Variants in EPG5 observed in about 807,000 individuals in gnomAD.
EPG5 encodes ectopic P-granules 5 autophagy tethering factor, also known as ectopic P granules protein 5 homolog.
EPG5 carries 159 observed loss-of-function variants against 302.7 expected under a neutral mutation model. The ratio of observed to expected loss-of-function variants is 0.53; its 90% confidence interval spans 0.46 to 0.60. The LOEUF is 0.60. EPG5 is among the 20% of genes least tolerant of loss of function. EPG5 has a pLI of 0.00. For missense variants in EPG5, 2,896 were observed against 3,092.4 expected, an observed-to-expected ratio of 0.94 and a Z score of 1.51; for synonymous variants, 1,158 against 1,136.8, an observed-to-expected ratio of 1.02 and a Z score of -0.37.
chr18:45,849,413 T>G lies in EPG5; in HGVS notation c.*3054A>C, dbSNP rs1323996429. 1 of 152,238 alleles carries G rather than the reference T, an allele frequency of 6.6e-6. No individual in the cohort carries two copies. Among genetic ancestry groups the G allele is most frequent in the Non-Finnish European group, 1.5e-5 (1 of 68,080 alleles). 9.4% of individuals were successfully genotyped at this position (152,238 alleles called of 1,614,324 possible). A position where few individuals can be genotyped will look rare whatever the true frequency, so the allele number is the denominator to read the frequency against. On this transcript the variant is annotated 3_prime_UTR_variant, in exon 44 of 44. Coordinates refer to ENST00000282041, the MANE Select transcript of EPG5 (RefSeq NM_020964.3). ...GATCCCTGCAGAGTGAGAGGGGCAC[T>G]AGATGAACGTGAATGACCCTTCTGA...
At chr18:45,842,569 A>G in the EPG5 span, 1 of 206,270 alleles carries the variant, frequency 4.8e-6, no homozygotes, top group Non-Finnish European at 9.9e-6. Context: ...CAGGGCCTGG[A>G]GGCCCAGTCT....
intron 25 of EPG5, 78 bp from the exon 26 acceptor site, chr18:45,901,245 T>C (rs538283072): frequency 1.8e-5 from 22 of 1,256,840 alleles, no homozygotes; most frequent in East Asian, 2.3e-5. Context: ...TACAATTCAG[T>C]AGAATTCCTA....
the EPG5 span, among the ~76,000 whole-genome samples, chr18:45,835,439 C>T: frequency 6.6e-6 from 1 of 152,084 alleles, no homozygotes; most frequent in Non-Finnish European, 1.5e-5. Flanking sequence ...CACACAAGGG[C>T]CAAAGTAACT....
chr18:45,967,192 G>C lies in EPG5; in HGVS notation c.48C>G (p.Ser16Arg). ...KPQRRAKAKASRTKTKEKKKY... is the reference protein window; with the variant it reads ...KPQRRAKAKARRTKTKEKKKY... The stretch of plus-strand genomic sequence containing the variant: ...AGATCCTCACCTTTGTTTTAGTCCG[G>C]CTGGCCTTGGCCTTGGCCCGGCGCT... Residue 16 changes from serine (S) to arginine (R), a missense_variant, in exon 1 of 44, where the codon AGC becomes AGG. This residue lies in a region of EPG5 where 1,390 missense variants were observed against 1,430.0 expected (regional missense o/e 0.97). Coordinates refer to ENST00000282041, the MANE Select transcript of EPG5 (RefSeq NM_020964.3). 2 of 1,603,980 alleles carry C rather than the reference G, an allele frequency of 1.2e-6. No individual in the cohort carries two copies. Among genetic ancestry groups the C allele is most frequent in the Non-Finnish European group, 1.7e-6 (2 of 1,175,414 alleles).
intron 35 of EPG5, 125 bp downstream of exon 35, chr18:45,876,111 G>T: frequency 3.2e-6 from 2 of 634,824 alleles, no homozygotes; most frequent in South Asian, 1.9e-5. Context: ...TTGTATCAGC[G>T]ACTTTTCTTC....
intron 16 of EPG5, among the ~76,000 whole-genome samples, chr18:45,918,803 G>C (rs1487759966): frequency 2.0e-5 from 3 of 152,254 alleles, no homozygotes; most frequent in African/African-American, 4.8e-5. Context: ...ATAACTACTA[G>C]TAAAGAAAAG....
At chr18:45,862,646 G>A (rs1265757128) in intron 39 of EPG5, among the ~76,000 whole-genome samples, 1 of 152,158 alleles carries the variant, frequency 6.6e-6, no homozygotes, top group Non-Finnish European at 1.5e-5. Context: ...CTCTGGCCAT[G>A]TGGAGTGTTA....
Position 45,922,334 on chromosome 18 carries a change from A to G in EPG5, c.3098+7T>C. On this transcript the variant is annotated splice_region_variant and intron_variant, in intron 16 of 43. Transcript: ENST00000282041. ...AGTAACCCTAGTGGTTCAGCCCAAC[A>G]CTGTACCTGTGGCCCACAGCTGTCA... 1 of 1,614,090 alleles carries G rather than the reference A, an allele frequency of 6.2e-7. No individual in the cohort carries two copies. The highest frequency in any genetic ancestry group is 8.5e-7 in the Non-Finnish European group (1 of 1,179,978).
chr18:45,862,326 T>C (rs548545675), intron 39 of EPG5, among the ~76,000 whole-genome samples: 6 of 152,236 alleles, frequency 3.9e-5, no homozygotes, highest in Non-Finnish European at 7.3e-5. Context: ...AATTTTGCCG[T>C]CTTTTTAAAT....
intron 34 of EPG5, 131 bp downstream of exon 34, chr18:45,878,245 C>G (rs947340365): frequency 6.4e-6 from 4 of 627,074 alleles, no homozygotes; most frequent in East Asian, 5.7e-5. Flanking sequence ...TGAAAAGAAG[C>G]CTTTTCTAAA....
chr18:45,896,178 T>C (rs4890305), intron 27 of EPG5, among the ~76,000 whole-genome samples: 87,413 of 152,124 alleles, frequency 0.57, 25,542 homozygotes, highest in Non-Finnish European at 0.64. Context: ...ATTATTTAAG[T>C]CTCCGCCTAT....
chr18:45,909,845 A>G (rs966848439), intron 23 of EPG5, among the ~76,000 whole-genome samples: 1 of 152,186 alleles, frequency 6.6e-6, no homozygotes, highest in Non-Finnish European at 1.5e-5. Context: ...TGTAGTCTCA[A>G]CTGCTCAGGA....
the EPG5 span, among the ~76,000 whole-genome samples, chr18:45,835,568 G>A: frequency 1.3e-5 from 2 of 152,144 alleles, no homozygotes; most frequent in African/African-American, 2.4e-5. Flanking sequence ...TTTCGTAGAG[G>A]TCAGTCACTC....
At chr18:45,949,929 A>C (rs986266868) in intron 4 of EPG5, among the ~76,000 whole-genome samples, 1 of 152,236 alleles carries the variant, frequency 6.6e-6, no homozygotes, top group Non-Finnish European at 1.5e-5. Context: ...AGTATGCTTG[A>C]AACATTATCC....
At position 45,876,282 on chromosome 18, in the gene EPG5, C is replaced by T; in HGVS notation, c.6003G>A (p.Val2001=). The change falls in exon 35 of 44, where the codon GTG becomes GTA. Residue 2001 remains valine, a synonymous_variant. Transcript: ENST00000282041. ...ESDTVVASSI[V]QLFTDCIDSL... The stretch of plus-strand genomic sequence containing the variant: ...AGTCAATACAGTCAGTGAACAGCTG[C>T]ACAATGCTTGAGGCCACCACAGTAT... 6.2e-7 allele frequency: 1 copy of T among 1,614,126 alleles called. No homozygotes were observed. The highest frequency in any genetic ancestry group is 8.5e-7 in the Non-Finnish European group (1 of 1,179,988).
chr18:45,915,627 C>T lies in EPG5; in HGVS notation c.3583-6G>A, dbSNP rs747253513. The stretch of plus-strand genomic sequence containing the variant: ...CAGTGGTAACCCAAGGCATTCTACA[C>T]CGGGAGATGTGGAGCAGAGAGAGGA... On this transcript the variant is annotated splice_region_variant and splice_polypyrimidine_tract_variant and intron_variant, in intron 19 of 43. Coordinates refer to ENST00000282041, the MANE Select transcript of EPG5 (RefSeq NM_020964.3). 6.2e-6 allele frequency: 10 copies of T among 1,607,592 alleles called. No homozygotes were observed. Among genetic ancestry groups the T allele is most frequent in the Non-Finnish European group, 7.7e-6 (9 of 1,174,398 alleles).
the EPG5 span, chr18:45,841,017 C>T: frequency 5.9e-5 from 9 of 152,272 alleles, no homozygotes; most frequent in African/African-American, 2.2e-4. Flanking sequence ...GGCACTGGTA[C>T]TAAAGACACA....
At chr18:45,859,685 T>C (rs144344970) in intron 40 of EPG5, among the ~76,000 whole-genome samples, 44 of 152,354 alleles carry the variant, frequency 2.9e-4, no homozygotes, top group Middle Eastern at 3.4e-3. Context: ...TAAAAACTTC[T>C]ATGAAAACTC....
Position 45,910,877 on chromosome 18 carries a change from T to C in EPG5, c.3984-135A>G, listed in dbSNP as rs141858923. ...CACCATTAAATTAACACCTATTATT[T>C]CTACCTCAAAGATTATTTTGATGGT... On this transcript the variant is annotated intron_variant, in intron 22 of 43. Coordinates refer to ENST00000282041, the MANE Select transcript of EPG5 (RefSeq NM_020964.3). The C allele has an allele frequency of 1.2e-3, 795 of 637,518 alleles. No individual in the cohort carries two copies. The African/African-American group carries it at 0.013, about 11-fold the overall frequency. 39.5% of individuals were successfully genotyped at this position (637,518 alleles called of 1,614,324 possible).
Sources: gnomAD v4.1 joint callset for allele counts (sites outside exome capture counted in the v4.1 genomes callset) on GRCh38, gnomAD v4.1.1 for gene constraint, gnomAD v4.1.1 regional missense constraint, MANE v1.5 for transcripts, NCBI Gene and HGNC (gene_info 2026-07-23, HGNC 2026-07-21) for gene names.